The following CDK6 variants were observed in gnomAD, a reference collection of about 807,000 sequenced individuals.
The protein encoded by CDK6 is cyclin-dependent kinase 6.
CDK6 carries 6 observed loss-of-function variants against 37.1 expected under a neutral mutation model. The ratio of observed to expected loss-of-function variants is 0.16; its 90% confidence interval spans 0.09 to 0.32. The LOEUF is 0.32. Ranked by LOEUF, CDK6 falls within the 10% of genes least tolerant of loss-of-function variation. CDK6 has a pLI of 1.00. For missense variants in CDK6, 224 were observed against 418.9 expected (o/e 0.53, Z 4.06); for synonymous variants, 160 against 161.3 (o/e 0.99, Z 0.06).
chr7:92,732,578 G>A (rs965544907), intron 3 of CDK6, among the ~76,000 whole-genome samples: 1 of 152,002 alleles, frequency 6.6e-6, no homozygotes, highest in African/African-American at 2.4e-5. Flanking sequence ...TTTTCCACAA[G>A]AGTAGAACAG....
chr7:92,676,561 C>T (rs1445524913), intron 4 of CDK6, among the ~76,000 whole-genome samples: 1 of 152,076 alleles, frequency 6.6e-6, no homozygotes, highest in Non-Finnish European at 1.5e-5. Context: ...TGTTTTCCTT[C>T]CCCCAGTATC....
At chr7:92,723,438 G>A (rs543025579) in intron 4 of CDK6, among the ~76,000 whole-genome samples, 1 of 152,110 alleles carries the variant, frequency 6.6e-6, no homozygotes, top group Non-Finnish European at 1.5e-5. Flanking sequence ...CCAGGAAGAG[G>A]AGTGTAGTCT....
chr7:92,677,605 CA>C (rs529164111), intron 4 of CDK6, among the ~76,000 whole-genome samples: 1 of 150,952 alleles, frequency 6.6e-6, no homozygotes, highest in East Asian at 1.9e-4. Context: ...AAGACTGTCT[CA>C]AAAAAAAGGA....
At position 92,618,727 on chromosome 7, in the gene CDK6, A is replaced by G. The variant is rs144391313; in HGVS notation, c.699-520T>C. On this transcript the variant is annotated intron_variant, in intron 6 of 7. Transcript: ENST00000424848. ...AATTCCCTACATATTAAATATATAC[A>G]TTAGAATCAGAAGGAAAAATGAGGC... 1.9e-3 allele frequency among the ~76,000 whole-genome samples: 285 copies of G among 152,338 alleles called. 2 individuals are homozygous for G. Among genetic ancestry groups the G allele is most frequent in the African/African-American group, 6.4e-3 (268 of 41,574 alleles).
chr7:92,814,105 T>C (rs1800959938), intron 2 of CDK6, among the ~76,000 whole-genome samples: 1 of 152,234 alleles, frequency 6.6e-6, no homozygotes, highest in Non-Finnish European at 1.5e-5. Context: ...GAAAAATCAA[T>C]TGGCTAACAT....
chr7:92,632,866 T>G (rs183417876), intron 5 of CDK6, among the ~76,000 whole-genome samples: 14 of 151,656 alleles, frequency 9.2e-5, no homozygotes, highest in Non-Finnish European at 7.4e-5. Flanking sequence ...GAAAATAAAT[T>G]ACACAGCATC....
chr7:92,683,758 G>T (rs529053378), intron 4 of CDK6, among the ~76,000 whole-genome samples: 1 of 151,968 alleles, frequency 6.6e-6, no homozygotes, highest in African/African-American at 2.4e-5. Flanking sequence ...TTAAAGGAAA[G>T]ACATAAAGAA....
In CDK6 at chr7:92,608,186, G is replaced by A; in HGVS notation, c.*6954C>T. ...ATTAGTGCTACAGTCATAGTTCTTG[G>A]CAGTCAATATGTAGTTATATGCCCC... On this transcript the variant is annotated 3_prime_UTR_variant, in exon 8 of 8. Coordinates refer to ENST00000424848, the MANE Select transcript of CDK6 (RefSeq NM_001145306.2). The A allele has an allele frequency of 4.3e-6, 1 of 232,028 alleles. No homozygotes were observed. Among genetic ancestry groups the A allele is most frequent in the East Asian group, 6.1e-5 (1 of 16,350 alleles). The allele number at this position is 232,028 out of a possible 1,614,324, so 14.4% of individuals were successfully genotyped here. A position where few individuals can be genotyped will look rare whatever the true frequency, so the allele number is the denominator to read the frequency against.
chr7:92,714,243 T>A (rs1325289933), intron 4 of CDK6, among the ~76,000 whole-genome samples: 2 of 151,956 alleles, frequency 1.3e-5, no homozygotes, highest in Non-Finnish European at 2.9e-5. Context: ...GAAGAATGAG[T>A]AGGAGATTGT....
At chr7:92,626,818 GAT>G (rs1301392047) in intron 5 of CDK6, among the ~76,000 whole-genome samples, 1 of 152,092 alleles carries the variant, frequency 6.6e-6, no homozygotes, top group Non-Finnish European at 1.5e-5. Flanking sequence ...GGCAGAATGA[GAT>G]AGATGGAGGT....
chr7:92,741,985 A>G (rs1231822028), intron 3 of CDK6, among the ~76,000 whole-genome samples: 6 of 152,180 alleles, frequency 3.9e-5, no homozygotes, highest in African/African-American at 1.4e-4. Context: ...TATGCTTTTA[A>G]TATTTAAAGC....
intron 4 of CDK6, among the ~76,000 whole-genome samples, chr7:92,723,023 A>G (rs1006077851): frequency 1.3e-5 from 2 of 152,166 alleles, no homozygotes; most frequent in Admixed American, 6.6e-5. Context: ...TGCCTCTACT[A>G]AAAATACAAA....
At chr7:92,694,648 T>A (rs1167596270) in intron 4 of CDK6, among the ~76,000 whole-genome samples, 1 of 152,188 alleles carries the variant, frequency 6.6e-6, no homozygotes, top group African/African-American at 2.4e-5. Flanking sequence ...CATGTCTGCA[T>A]GTCATGTAAC....
rs548363522 is a variant in CDK6 at position 92,606,503 on chromosome 7, T to C, written c.*8637A>G. 1 of 233,352 alleles carries C rather than the reference T, an allele frequency of 4.3e-6. No individual in the cohort carries two copies. Among genetic ancestry groups the C allele is most frequent in the South Asian group, 1.8e-4 (1 of 5,532 alleles). The allele number at this position is 233,352 out of a possible 1,614,324, so 14.5% of individuals were successfully genotyped here. On this transcript the variant is annotated 3_prime_UTR_variant, in exon 8 of 8. Transcript: ENST00000424848. ...AAGGAAGAGATACAGGGGACAGAGA[T>C]GTAGAGGTGTGGGGATGTTGGTCAT...
intron 6 of CDK6, among the ~76,000 whole-genome samples, chr7:92,622,624 A>G (rs1478414913): frequency 1.3e-5 from 2 of 152,160 alleles, no homozygotes; most frequent in African/African-American, 4.8e-5. Flanking sequence ...AAAACAACGC[A>G]GAACCAACCT....
rs1306653465 is a variant in CDK6, at chr7:92,611,490, TTA to T, written c.*3648_*3649del. On this transcript the variant is annotated 3_prime_UTR_variant, in exon 8 of 8. Transcript: ENST00000424848. ...ATATTTTAGAAGAATTTTAATATGT[TTA>T]TGATATTAGGAAGCTTACATAATTT... 8.8e-6 allele frequency: 2 copies of T among 227,508 alleles called. No homozygotes were observed. The highest frequency in any genetic ancestry group is 4.4e-5 in the African/African-American group (2 of 45,032). 14.1% of individuals were successfully genotyped at this position (227,508 alleles called of 1,614,324 possible).
At chr7:92,815,986 C>A (rs1478841635) in intron 2 of CDK6, among the ~76,000 whole-genome samples, 1 of 152,070 alleles carries the variant, frequency 6.6e-6, no homozygotes, top group African/African-American at 2.4e-5. Flanking sequence ...GGAAGCAAAG[C>A]CTACATACAC....
intron 4 of CDK6, chr7:92,710,949 G>A (rs546303347): frequency 5.3e-5 from 39 of 742,690 alleles, no homozygotes; most frequent in East Asian, 3.9e-4. Flanking sequence ...AGCAGAAAGC[G>A]CCAGCAAAGG....
At chr7:92,783,385 A>C (rs1490853410) in intron 2 of CDK6, among the ~76,000 whole-genome samples, 2 of 152,228 alleles carry the variant, frequency 1.3e-5, no homozygotes, top group Non-Finnish European at 2.9e-5. Context: ...AGGGATGTCA[A>C]ACCAACTCTA....
Sources: allele counts gnomAD v4.1 joint callset (sites outside exome capture counted in the v4.1 genomes callset), GRCh38; gene constraint gnomAD v4.1.1; transcripts MANE v1.5; gene names NCBI Gene and HGNC (gene_info 2026-07-23, HGNC 2026-07-21).